The following CIP2A variants were observed in gnomAD, a reference collection of about 807,000 sequenced individuals.
CIP2A encodes the protein protein CIP2A.
A neutral mutation model predicts 110.9 loss-of-function variants in CIP2A; 103 were observed. The observed-to-expected ratio is 0.93, with a 90% CI of 0.79 to 1.09. The LOEUF is 1.09. Among genes scored for constraint, CIP2A ranks in the 50% least tolerant of loss-of-function variants. The pLI is 0.00. For synonymous variants in CIP2A, 381 were observed against 361.6 expected, an observed-to-expected ratio of 1.05 and a Z score of -0.61; for missense variants, 1,088 against 1,038.4, an observed-to-expected ratio of 1.05 and a Z score of -0.66.
rs2083887983 is a variant in CIP2A at position 108,550,929 on chromosome 3, T to C, written c.*220A>G. The stretch of plus-strand genomic sequence containing the variant: ...CTAATGTAAGAACCAAAGAAAACCT[T>C]AAGCCATAAAAGCCAGAAACAAAAA... On this transcript the variant is annotated 3_prime_UTR_variant, in exon 21 of 21. Transcript: ENST00000295746. The C allele has an allele frequency of 2.0e-5, 6 of 297,448 alleles. No homozygotes were observed. Among genetic ancestry groups the C allele is most frequent in the Non-Finnish European group, 3.1e-5 (5 of 163,306 alleles). 18.4% of individuals were successfully genotyped at this position (297,448 alleles called of 1,614,324 possible). A position where few individuals can be genotyped will look rare whatever the true frequency, so the allele number is the denominator to read the frequency against.
chr3:108,583,800 T>C (rs989518718), intron 2 of CIP2A, among the ~76,000 whole-genome samples: 4 of 152,250 alleles, frequency 2.6e-5, no homozygotes, highest in African/African-American at 7.2e-5. Flanking sequence ...AATCCTCATT[T>C]GTGATGGATA....
chr3:108,556,664 T>C (rs1371314069), intron 17 of CIP2A, among the ~76,000 whole-genome samples: 2 of 152,134 alleles, frequency 1.3e-5, no homozygotes, highest in Non-Finnish European at 2.9e-5. Flanking sequence ...AATTCACCTA[T>C]GTGAACTTAT....
chr3:108,588,007 ACCTCAGGTGATCCGCTCGCCTCGG>A (rs1939129743), intron 1 of CIP2A, among the ~76,000 whole-genome samples: 2 of 152,080 alleles, frequency 1.3e-5, no homozygotes, highest in African/African-American at 4.8e-5. Flanking sequence ...CAAACTCCCG[ACCTCAGGTGATCCGCTCGCCTCGG>A]CCTCCCAAAG....
In CIP2A at chr3:108,553,899, A is replaced by AAAAAAAAAAAAAAAAAAAAAAAAAAC. The variant is rs1937689967; in HGVS notation, c.2325-170_2325-169insGTTTTTTTTTTTTTTTTTTTTTTTTT. Among the ~76,000 whole-genome samples the AAAAAAAAAAAAAAAAAAAAAAAAAAC allele has an allele frequency of 1.7e-5, 2 of 118,942 alleles. 1 individual carries two copies. Among genetic ancestry groups the AAAAAAAAAAAAAAAAAAAAAAAAAAC allele is most frequent in the Non-Finnish European group, 3.7e-5 (2 of 54,776 alleles). 78.0% of individuals were successfully genotyped at this position (118,942 alleles called of 152,430 possible). On this transcript the variant is annotated intron_variant, in intron 18 of 20. Coordinates refer to ENST00000295746, the MANE Select transcript of CIP2A (RefSeq NM_020890.3). ...AACCCCGTCTCTACTAAAAATATAA[A>AAAAAAAAAAAAAAAAAAAAAAAAAAC]AAAAAAAAAAAAAAAAAAAAGGTCT...
intron 18 of CIP2A, among the ~76,000 whole-genome samples, chr3:108,554,027 C>T (rs994381695): frequency 2.2e-4 from 33 of 151,002 alleles, no homozygotes; most frequent in Middle Eastern, 3.4e-3. Flanking sequence ...TTCTGGGTAG[C>T]GGAGATTACA....
intron 8 of CIP2A, among the ~76,000 whole-genome samples, chr3:108,572,153 T>C (rs1349590653): frequency 6.6e-6 from 1 of 152,106 alleles, no homozygotes; most frequent in African/African-American, 2.4e-5. Flanking sequence ...CTTTTCATTC[T>C]TTTATTAGTG....
chr3:108,569,067 G>C (rs1374846045), intron 9 of CIP2A, among the ~76,000 whole-genome samples: 1 of 148,596 alleles, frequency 6.7e-6, no homozygotes, highest in East Asian at 2.0e-4. Context: ...TTGGTAGATG[G>C]CATCTATTGC....
intron 11 of CIP2A, 94 bp from the exon 12 acceptor site, chr3:108,565,548 A>G (rs1938152170): frequency 1.6e-6 from 1 of 632,610 alleles, no homozygotes; most frequent in Non-Finnish European, 2.7e-6. Flanking sequence ...AAAAACCAAC[A>G]CTTGTGTTTT....
chr3:108,585,074 A>T lies in CIP2A; in HGVS notation c.241T>A (p.Ser81Thr). ...SLILSIIGLL[S>T]QLAVDIETRD... ...AAATTAAATGCATTACCTAGTTGAGACAGCAAACCGATAATACTTAAGATC... is the reference window on the plus strand; with the variant it reads ...AAATTAAATGCATTACCTAGTTGAGTCAGCAAACCGATAATACTTAAGATC... Residue 81 changes from serine to threonine, a missense_variant, in exon 2 of 21, where the codon TCT (serine) becomes ACT (threonine). Ser to Thr is a moderately conservative substitution (Grantham distance 58). Transcript: ENST00000295746. The T allele has an allele frequency of 6.2e-7, 1 of 1,610,452 alleles. No individual in the cohort carries two copies. The highest frequency in any genetic ancestry group is 8.5e-7 in the Non-Finnish European group (1 of 1,178,548).
At position 108,579,667 on chromosome 3, in the gene CIP2A, G is replaced by A. The variant is rs772971523; in HGVS notation, c.571C>T (p.Arg191Ter). 8.3e-6 allele frequency: 13 copies of A among 1,566,300 alleles called. No individual in the cohort carries two copies. The highest frequency in any genetic ancestry group is 5.5e-5 in the African/African-American group (4 of 72,490). Residue 191 changes from arginine (R) to a stop codon, truncating the protein, a stop_gained, in exon 6 of 21, where the codon CGA becomes TGA. Transcript: ENST00000295746. LOFTEE classifies it high-confidence loss of function. ...TGGGCCAACAAGGTGATAAGAGTTC[G>A]ATAAAAAGATTTCACATTACTCTGA... ...KTLSNVKSFYRTLITLLAHSS... is the reference protein window; with the variant it reads ...KTLSNVKSFY
intron 12 of CIP2A, 135 bp from the exon 13 acceptor site, chr3:108,563,379 T>TTA: frequency 1.5e-6 from 1 of 645,534 alleles, no homozygotes. Flanking sequence ...TTTGAATATA[T>TTA]TATAGTCTAT....
At chr3:108,560,616 G>A (rs1559691244) in intron 14 of CIP2A, 33 bp downstream of exon 14, 1 of 1,374,524 alleles carries the variant, frequency 7.3e-7, no homozygotes, top group Non-Finnish European at 1.0e-6. Flanking sequence ...TAGCTAATAT[G>A]TACCAGGTTA....
chr3:108,563,241 G>T lies in CIP2A; in HGVS notation c.1519C>A (p.Pro507Thr). ...EVSFYKILQD[P>T]RLITPLAFAL... Reference sequence around the variant, plus strand: ...AAAGCCAAAGGAGTAATCAAACGTGGGTCCTAAATAAATCAGAAACCAAAA... The same window carrying T: ...AAAGCCAAAGGAGTAATCAAACGTGTGTCCTAAATAAATCAGAAACCAAAA... The change falls in exon 13 of 21, where the codon CCA becomes ACA. Residue 507 changes from proline (P) to threonine (T), a missense_variant. By Grantham distance (38) the Pro-to-Thr change is conservative. Coordinates refer to ENST00000295746, the MANE Select transcript of CIP2A (RefSeq NM_020890.3). The T allele has an allele frequency of 6.3e-7, 1 of 1,592,616 alleles. No homozygotes were observed. Among genetic ancestry groups the T allele is most frequent in the South Asian group, 1.1e-5 (1 of 90,294 alleles).
intron 3 of CIP2A, 104 bp downstream of exon 3, chr3:108,582,873 T>C: frequency 2.0e-6 from 1 of 499,274 alleles, no homozygotes; most frequent in Non-Finnish European, 3.5e-6. Flanking sequence ...ATGTAGTATT[T>C]ATTATATAGC....
chr3:108,579,902 G>A (rs1938805362), intron 5 of CIP2A, among the ~76,000 whole-genome samples: 1 of 152,082 alleles, frequency 6.6e-6, no homozygotes, highest in Admixed American at 6.6e-5. Flanking sequence ...AGTACCTACA[G>A]AAAAAAATAA....
chr3:108,563,255 C>G lies in CIP2A; in HGVS notation c.1516-11G>C. On this transcript the variant is annotated splice_polypyrimidine_tract_variant and intron_variant, in intron 12 of 20. Coordinates refer to ENST00000295746, the MANE Select transcript of CIP2A (RefSeq NM_020890.3). ...AATCAAACGTGGGTCCTAAATAAAT[C>G]AGAAACCAAAAAAGAAGCAGCAGAA... is the stretch of plus-strand genomic sequence containing the variant. 1 of 1,496,662 alleles carries G rather than the reference C, an allele frequency of 6.7e-7. No homozygotes were observed. 92.7% of individuals were successfully genotyped at this position (1,496,662 alleles called of 1,614,324 possible). A position where few individuals can be genotyped will look rare whatever the true frequency, so the allele number is the denominator to read the frequency against.
intron 5 of CIP2A, among the ~76,000 whole-genome samples, chr3:108,579,971 GAATA>G (rs1938807955): frequency 6.6e-6 from 1 of 152,256 alleles, no homozygotes. Flanking sequence ...TGTCACCTTA[GAATA>G]AATAATTCAA....
intron 13 of CIP2A, among the ~76,000 whole-genome samples, chr3:108,562,575 C>G (rs1938045482): frequency 1.3e-5 from 2 of 151,982 alleles, no homozygotes; most frequent in Non-Finnish European, 2.9e-5. Context: ...AATTTTTTTT[C>G]AAACATAATT....
chr3:108,587,344 TA>T (rs1034421597), intron 1 of CIP2A, among the ~76,000 whole-genome samples: 1 of 151,920 alleles, frequency 6.6e-6, no homozygotes, highest in South Asian at 2.1e-4. Flanking sequence ...ACATCAATAA[TA>T]AAAAAAATGA....
Sources: gnomAD v4.1 joint callset for allele counts (sites outside exome capture counted in the v4.1 genomes callset) on GRCh38, gnomAD v4.1.1 for gene constraint, MANE v1.5 for transcripts, NCBI Gene and HGNC (gene_info 2026-07-23, HGNC 2026-07-21) for gene names.